Variants in TAF2 observed in about 807,000 individuals in gnomAD.
The protein encoded by TAF2 is transcription initiation factor TFIID subunit 2.
In TAF2, 61 loss-of-function variants were observed where a neutral mutation model predicts 138.5. The ratio of observed to expected loss-of-function variants is 0.44; its 90% CI spans 0.36 to 0.54. TAF2 has a LOEUF of 0.54. TAF2 is among the 20% of genes least tolerant of loss of function. TAF2 has a pLI of 0.00. For synonymous variants in TAF2, 475 were observed against 469.9 expected (o/e 1.01, Z -0.14); for missense variants, 1,090 against 1,427.9 (o/e 0.76, Z 3.81).
intron 5 of TAF2, among the ~76,000 whole-genome samples, chr8:119,803,434 TA>T (rs1442428417): frequency 6.6e-6 from 1 of 152,230 alleles, no homozygotes; most frequent in East Asian, 1.9e-4. Flanking sequence ...CTCATGCCTG[TA>T]ATCCCAGTAC....
intron 10 of TAF2, among the ~76,000 whole-genome samples, chr8:119,792,676 T>C (rs1222558631): frequency 2.0e-5 from 3 of 152,130 alleles, no homozygotes; most frequent in Non-Finnish European, 4.4e-5. Flanking sequence ...GAGGTGGCCT[T>C]TGGGAAGTGA....
intron 2 of TAF2, among the ~76,000 whole-genome samples, chr8:119,828,482 C>G (rs6989803): frequency 0.3 from 45,249 of 152,084 alleles, 7,792 homozygotes; most frequent in African/African-American, 0.47. Context: ...CCTCTCAGAT[C>G]CCCCCTAACA....
At chr8:119,795,700 A>T (rs1318406007) in intron 8 of TAF2, 69 bp from the exon 9 acceptor site, 9 of 1,353,508 alleles carry the variant, frequency 6.6e-6, no homozygotes, top group African/African-American at 1.4e-5. Context: ...CAAAGAGGAT[A>T]ACGGAATAAG....
At chr8:119,787,127 T>A (rs10096486) in intron 14 of TAF2, among the ~76,000 whole-genome samples, 91,070 of 151,946 alleles carry the variant, frequency 0.6, 27,558 homozygotes, top group Middle Eastern at 0.76. Context: ...AACCTACAGA[T>A]TTGGAAAAAT....
chr8:119,768,486 AT>A (rs34127684), intron 18 of TAF2, among the ~76,000 whole-genome samples: 41,289 of 151,868 alleles, frequency 0.27, 6,852 homozygotes, highest in Admixed American at 0.46. Context: ...TCCTCTTGGT[AT>A]TGATTTCTAA....
chr8:119,784,989 T>C (rs1003640505), intron 15 of TAF2, among the ~76,000 whole-genome samples: 2 of 152,210 alleles, frequency 1.3e-5, no homozygotes, highest in African/African-American at 4.8e-5. Flanking sequence ...GCATTTCCTC[T>C]TAATTTCACC....
At chr8:119,748,961 A>C (rs73702920) in intron 22 of TAF2, among the ~76,000 whole-genome samples, 1 of 152,126 alleles carries the variant, frequency 6.6e-6, no homozygotes, top group African/African-American at 2.4e-5. Context: ...TTTAGAGTAC[A>C]TTTGCTGTTT....
intron 3 of TAF2, among the ~76,000 whole-genome samples, chr8:119,814,181 A>C (rs776984441): frequency 2.0e-5 from 3 of 152,070 alleles, no homozygotes; most frequent in Non-Finnish European, 4.4e-5. Flanking sequence ...CCGAACTGGA[A>C]GTATTCAAGT....
intron 25 of TAF2, among the ~76,000 whole-genome samples, chr8:119,733,852 C>T (rs1019014382): frequency 6.6e-6 from 1 of 151,688 alleles, no homozygotes; most frequent in South Asian, 2.1e-4. Flanking sequence ...ATTATGGGTA[C>T]TAGTATTATA....
intron 25 of TAF2, among the ~76,000 whole-genome samples, chr8:119,736,647 T>C (rs1243225873): frequency 6.6e-6 from 1 of 152,216 alleles, no homozygotes; most frequent in African/African-American, 2.4e-5. Flanking sequence ...TTTAGCTTTA[T>C]AGAAGTAATC....
intron 21 of TAF2, among the ~76,000 whole-genome samples, chr8:119,756,842 G>A (rs1378998015): frequency 6.6e-6 from 1 of 152,134 alleles, no homozygotes; most frequent in Non-Finnish European, 1.5e-5. Flanking sequence ...CCACTGCTAT[G>A]AGTAGAAGAC....
At chr8:119,794,727 C>T (rs1457488328) in intron 9 of TAF2, among the ~76,000 whole-genome samples, 1 of 152,076 alleles carries the variant, frequency 6.6e-6, no homozygotes, top group African/African-American at 2.4e-5. Flanking sequence ...TGTTCTTCTT[C>T]TTTAATAGTT....
chr8:119,774,517 C>T (rs1274618181), intron 18 of TAF2, among the ~76,000 whole-genome samples: 1 of 149,022 alleles, frequency 6.7e-6, no homozygotes, highest in Non-Finnish European at 1.5e-5. Context: ...AGCTCATCAG[C>T]TATCGTTAGT....
chr8:119,745,378 A>G (rs1819886846), intron 23 of TAF2, among the ~76,000 whole-genome samples: 1 of 152,018 alleles, frequency 6.6e-6, no homozygotes, highest in Non-Finnish European at 1.5e-5. Flanking sequence ...TAGATCTGAA[A>G]GAGCTCTTTA....
chr8:119,749,287 G>C (rs532178926), intron 22 of TAF2, among the ~76,000 whole-genome samples: 3 of 152,226 alleles, frequency 2.0e-5, no homozygotes, highest in African/African-American at 7.2e-5. Flanking sequence ...GGTTTTGCTA[G>C]ACCTTTAATT....
chr8:119,813,110 G>C (rs1332791577), intron 3 of TAF2, among the ~76,000 whole-genome samples: 1 of 151,830 alleles, frequency 6.6e-6, no homozygotes, highest in African/African-American at 2.4e-5. Context: ...TGTTTTTTTT[G>C]TTTTGTTTTT....
intron 22 of TAF2, among the ~76,000 whole-genome samples, chr8:119,751,831 T>C (rs1563828836): frequency 6.6e-6 from 1 of 152,216 alleles, no homozygotes; most frequent in Non-Finnish European, 1.5e-5. Flanking sequence ...AAGGTCCTTG[T>C]CTTTAAAAAT....
intron 9 of TAF2, among the ~76,000 whole-genome samples, chr8:119,795,105 T>C (rs1218771270): frequency 6.6e-6 from 1 of 151,734 alleles, no homozygotes; most frequent in Non-Finnish European, 1.5e-5. Flanking sequence ...CAGAATATAA[T>C]AAGCAGTTAA....
At chr8:119,739,307 C>T (rs1587645928) in intron 25 of TAF2, among the ~76,000 whole-genome samples, 2 of 152,126 alleles carry the variant, frequency 1.3e-5, no homozygotes, top group African/African-American at 4.8e-5. Flanking sequence ...ATGTTCATCC[C>T]TATCACCGTG....
Sources: allele counts gnomAD v4.1 joint callset (sites outside exome capture counted in the v4.1 genomes callset), GRCh38; gene constraint gnomAD v4.1.1; transcripts MANE v1.5; gene names NCBI Gene and HGNC (gene_info 2026-07-23, HGNC 2026-07-21).